Variants in SORCS3 observed in about 807,000 individuals in gnomAD.
SORCS3 encodes sortilin related VPS10 domain containing receptor 3.
In SORCS3, 57 loss-of-function variants were observed where a neutral mutation model predicts 146.3. The observed-to-expected ratio is 0.39, with a 90% CI of 0.31 to 0.49. SORCS3 has a LOEUF of 0.49. Among genes scored for constraint, SORCS3 ranks in the 20% least tolerant of loss-of-function variants. SORCS3 has a pLI of 0.92. For missense variants in SORCS3, 1,341 were observed against 1,575.5 expected, an observed-to-expected ratio of 0.85 and a Z score of 2.52; for synonymous variants, 653 against 618.5, an observed-to-expected ratio of 1.06 and a Z score of -0.83.
At chr10:104,781,874 G>T (rs948842071) in intron 1 of SORCS3, among the ~76,000 whole-genome samples, 3 of 152,212 alleles carry the variant, frequency 2.0e-5, no homozygotes, top group African/African-American at 4.8e-5. Context: ...CTCTTGGTCT[G>T]CCCTATTGTT....
intron 7 of SORCS3, among the ~76,000 whole-genome samples, chr10:105,117,815 A>G (rs544415606): frequency 1.3e-5 from 2 of 152,324 alleles, no homozygotes; most frequent in South Asian, 4.1e-4. Flanking sequence ...TCTTTGAAGT[A>G]TATCTAGACT....
chr10:105,053,000 G>A (rs1375412269), intron 5 of SORCS3, among the ~76,000 whole-genome samples: 2 of 152,088 alleles, frequency 1.3e-5, no homozygotes, highest in Non-Finnish European at 2.9e-5. Context: ...GAATCTGGAA[G>A]TGTGCGATCA....
At chr10:105,111,210 A>G (rs2133757337) in intron 7 of SORCS3, among the ~76,000 whole-genome samples, 1 of 152,228 alleles carries the variant, frequency 6.6e-6, no homozygotes, top group South Asian at 2.1e-4. Context: ...TACCAGACAA[A>G]TTTATTATTT....
chr10:104,784,224 A>G (rs374073615), intron 1 of SORCS3, among the ~76,000 whole-genome samples: 115 of 152,290 alleles, frequency 7.6e-4, no homozygotes, highest in African/African-American at 2.3e-3. Context: ...TTTGTCCCCC[A>G]GGGGACTTTT....
chr10:104,933,050 G>T (rs1032994248), intron 3 of SORCS3, among the ~76,000 whole-genome samples: 2 of 152,068 alleles, frequency 1.3e-5, no homozygotes, highest in African/African-American at 2.4e-5. Flanking sequence ...AGTTTTAATT[G>T]TTCCATACCT....
intron 1 of SORCS3, among the ~76,000 whole-genome samples, chr10:104,792,087 C>T (rs10884045): frequency 0.22 from 34,099 of 151,892 alleles, 4,909 homozygotes; most frequent in East Asian, 0.65. Context: ...GGAAAAAAAT[C>T]AGAAAGAAAA....
chr10:104,651,502 T>C (rs1254021378), intron 1 of SORCS3, among the ~76,000 whole-genome samples: 2 of 139,414 alleles, frequency 1.4e-5, no homozygotes, highest in Non-Finnish European at 3.0e-5. Context: ...GAGACCAGCC[T>C]GGCCAACATA....
rs911234691 is a variant in SORCS3, at chr10:105,259,363, T to C, written c.3443+2439T>C. ...GTTTCCAGATCCAAAGCTTCCTCTCTGTAATTGCCAGTATTAACACATTAA... is the reference window on the plus strand; with the variant it reads ...GTTTCCAGATCCAAAGCTTCCTCTCCGTAATTGCCAGTATTAACACATTAA... On this transcript the variant is annotated intron_variant, in intron 25 of 26. Coordinates refer to ENST00000369701, the MANE Select transcript of SORCS3 (RefSeq NM_014978.3). Among the ~76,000 whole-genome samples the C allele has an allele frequency of 5.3e-5, 8 of 152,230 alleles. 1 individual carries two copies. Among genetic ancestry groups the C allele is most frequent in the Admixed American group, 4.6e-4 (7 of 15,278 alleles).
At chr10:105,009,523 CAAACAAAAAAAAA>C (rs1564733967) in intron 4 of SORCS3, among the ~76,000 whole-genome samples, 17 of 49,002 alleles carry the variant, frequency 3.5e-4, no homozygotes, top group Non-Finnish European at 6.6e-4. Context: ...AACAAACAAA[CAAACAAAAAAAAA>C]AAAAAAAAAA....
At chr10:105,100,717 T>C (rs1181603601) in intron 6 of SORCS3, among the ~76,000 whole-genome samples, 3 of 152,254 alleles carry the variant, frequency 2.0e-5, no homozygotes, top group African/African-American at 7.2e-5. Flanking sequence ...TCATGGTCTT[T>C]CAATTCTCCA....
chr10:104,856,496 A>G (rs1243772077), intron 2 of SORCS3, among the ~76,000 whole-genome samples: 2 of 117,980 alleles, frequency 1.7e-5, no homozygotes, highest in African/African-American at 9.5e-5. Flanking sequence ...GATTATATTT[A>G]TATTTATATA....
chr10:104,868,680 C>T (rs948109698), intron 2 of SORCS3, among the ~76,000 whole-genome samples: 1 of 152,186 alleles, frequency 6.6e-6, no homozygotes, highest in Non-Finnish European at 1.5e-5. Context: ...ATAAGGGCTT[C>T]CTTCAGGGCA....
chr10:104,992,687 A>C (rs1206490826), intron 4 of SORCS3, among the ~76,000 whole-genome samples: 1 of 152,114 alleles, frequency 6.6e-6, no homozygotes, highest in African/African-American at 2.4e-5. Flanking sequence ...TTTCACACCA[A>C]AGTGCCCTGG....
At chr10:105,022,056 A>C (rs1366308223) in intron 4 of SORCS3, among the ~76,000 whole-genome samples, 1 of 152,164 alleles carries the variant, frequency 6.6e-6, no homozygotes, top group Non-Finnish European at 1.5e-5. Context: ...AAGAGGGATA[A>C]ATAGGCAGAG....
At chr10:104,882,275 G>A (rs1011293333) in intron 2 of SORCS3, among the ~76,000 whole-genome samples, 5 of 152,168 alleles carry the variant, frequency 3.3e-5, no homozygotes, top group African/African-American at 1.2e-4. Context: ...TATTGCAAAG[G>A]AGGTTCCCAA....
At chr10:105,166,717 C>G (rs2056316490) in intron 12 of SORCS3, among the ~76,000 whole-genome samples, 1 of 152,142 alleles carries the variant, frequency 6.6e-6, no homozygotes. Flanking sequence ...GATTCATAGA[C>G]ACCCAACATG....
rs2056973927 is a variant in SORCS3, at chr10:105,263,494, A to G, written c.*120A>G. Reference sequence around the variant, plus strand: ...CCTTTTGTTTACCAAGGGCCCCTTCATAAATAGCAGGCAAATGCCTAGCTT... The same window carrying G: ...CCTTTTGTTTACCAAGGGCCCCTTCGTAAATAGCAGGCAAATGCCTAGCTT... On this transcript the variant is annotated 3_prime_UTR_variant, in exon 27 of 27. Coordinates refer to ENST00000369701, the MANE Select transcript of SORCS3 (RefSeq NM_014978.3). The G allele has an allele frequency of 1.1e-6, 1 of 935,386 alleles. No homozygotes were observed. The allele number at this position is 935,386 out of a possible 1,614,324, so 57.9% of individuals were successfully genotyped here.
chr10:104,708,314 G>A (rs1454936531), intron 1 of SORCS3, among the ~76,000 whole-genome samples: 4 of 152,178 alleles, frequency 2.6e-5, no homozygotes, highest in Admixed American at 2.6e-4. Flanking sequence ...GGCTGCATGA[G>A]TGTCACCTGG....
chr10:105,114,453 C>T (rs1413275455), intron 7 of SORCS3, among the ~76,000 whole-genome samples: 1 of 152,136 alleles, frequency 6.6e-6, no homozygotes, highest in Non-Finnish European at 1.5e-5. Flanking sequence ...AAACTTTTCC[C>T]TCGCTGTTTT....
Sources: allele counts gnomAD v4.1 joint callset (sites outside exome capture counted in the v4.1 genomes callset), GRCh38; gene constraint gnomAD v4.1.1; transcripts MANE v1.5; gene names NCBI Gene and HGNC (gene_info 2026-07-23, HGNC 2026-07-21).